The following TIAM2 variants were observed in gnomAD, a reference collection of about 807,000 sequenced individuals.
TIAM2 encodes the protein TIAM Rac1 associated GEF 2.
A neutral mutation model predicts 152.9 loss-of-function variants in TIAM2; 80 were observed. That is an observed-to-expected ratio of 0.52 (90% CI 0.44 to 0.63). TIAM2 has a LOEUF of 0.63. TIAM2 is among the 30% of genes least tolerant of loss of function. TIAM2 has a pLI of 0.00. For missense variants in TIAM2, 1,965 were observed against 2,120.1 expected (o/e 0.93, Z 1.44); for synonymous variants, 804 against 838.0 (o/e 0.96, Z 0.70).
chr6:155,069,911 C>CTTTTTTTTTTTTTTT (rs36093906), intron 1 of TIAM2, among the ~76,000 whole-genome samples: 1 of 125,654 alleles, frequency 8.0e-6, no homozygotes, highest in Non-Finnish European at 1.7e-5. Context: ...CATTTCTTTT[C>CTTTTTTTTTTTTTTT]TTTTTTTTTT....
intron 2 of TIAM2, among the ~76,000 whole-genome samples, chr6:155,099,881 G>A (rs888291763): frequency 2.0e-5 from 3 of 152,332 alleles, no homozygotes; most frequent in East Asian, 3.9e-4. Context: ...ATATGGCATA[G>A]CCTATGCTCC....
intron 1 of TIAM2, among the ~76,000 whole-genome samples, chr6:155,065,757 A>T (rs552022084): frequency 1.3e-5 from 2 of 152,284 alleles, no homozygotes; most frequent in African/African-American, 4.8e-5. Flanking sequence ...CAACAGAATA[A>T]GACTGTCTCT....
At chr6:155,222,789 A>G (rs1046366049) in intron 15 of TIAM2, among the ~76,000 whole-genome samples, 2 of 152,066 alleles carry the variant, frequency 1.3e-5, no homozygotes, top group Non-Finnish European at 2.9e-5. Context: ...TTCTGCCTGA[A>G]TGCCTGATCC....
chr6:155,006,498 C>A (rs1347028696), intron 1 of TIAM2, among the ~76,000 whole-genome samples: 1 of 151,652 alleles, frequency 6.6e-6, no homozygotes, highest in South Asian at 2.1e-4. Context: ...GAAACCCTGT[C>A]TCTACTCAAA....
At chr6:155,181,951 C>G (rs2115141700) in intron 12 of TIAM2, among the ~76,000 whole-genome samples, 1 of 152,304 alleles carries the variant, frequency 6.6e-6, no homozygotes, top group South Asian at 2.1e-4. Context: ...TTATTTCCAC[C>G]TCTTGGCTAT....
chr6:155,222,760 T>C (rs894500979), intron 15 of TIAM2, among the ~76,000 whole-genome samples: 1 of 152,166 alleles, frequency 6.6e-6, no homozygotes, highest in South Asian at 2.1e-4. Context: ...CCTGCCCTGA[T>C]GTCTCTCCCT....
chr6:155,101,237 G>C (rs1268174108), intron 2 of TIAM2, among the ~76,000 whole-genome samples: 1 of 152,164 alleles, frequency 6.6e-6, no homozygotes, highest in Non-Finnish European at 1.5e-5. Context: ...CAGATACTTG[G>C]TGTGCCTCAT....
intron 4 of TIAM2, among the ~76,000 whole-genome samples, chr6:155,132,645 G>T (rs1024041731): frequency 3.3e-5 from 5 of 152,190 alleles, no homozygotes; most frequent in African/African-American, 1.2e-4. Flanking sequence ...AATGGGAGAC[G>T]CAGCTTCTGC....
intron 2 of TIAM2, among the ~76,000 whole-genome samples, chr6:155,112,938 G>C (rs1284788296): frequency 6.9e-6 from 1 of 145,356 alleles, no homozygotes; most frequent in African/African-American, 2.6e-5. Flanking sequence ...CCTCTCCCCT[G>C]CATCGTTCCG....
intron 7 of TIAM2, among the ~76,000 whole-genome samples, chr6:155,158,459 CCTT>C (rs1780177579): frequency 6.6e-6 from 1 of 152,130 alleles, no homozygotes; most frequent in Non-Finnish European, 1.5e-5. Context: ...ATAATGAAAA[CCTT>C]CTCAGAGTGA....
In TIAM2 at chr6:155,024,009, T is replaced by TA. The variant is rs938034214; in HGVS notation, c.-209+28518dup. 8.3e-4 allele frequency among the ~76,000 whole-genome samples: 127 copies of TA among 152,232 alleles called. 2 individuals are homozygous for TA. The highest frequency in any genetic ancestry group is 2.9e-3 in the African/African-American group (119 of 41,534). ...GACACTTCATCAACATCCCACTTAA[T>TA]ACTCTGCATGCGGCTCTCCAGGACA... On this transcript the variant is annotated intron_variant, in intron 1 of 26. Transcript: ENST00000682666.
intron 2 of TIAM2, among the ~76,000 whole-genome samples, chr6:155,093,845 G>T (rs772900566): frequency 6.6e-6 from 1 of 152,166 alleles, no homozygotes; most frequent in Non-Finnish European, 1.5e-5. Flanking sequence ...GGCCAAGTTG[G>T]TTGTATGCCC....
intron 15 of TIAM2, among the ~76,000 whole-genome samples, chr6:155,239,244 A>G (rs922510650): frequency 6.6e-5 from 10 of 152,370 alleles, no homozygotes; most frequent in African/African-American, 2.4e-4. Context: ...TTTAGTTGAC[A>G]GTCAGAAAGT....
chr6:155,244,978 C>T, intron 18 of TIAM2, 195 bp downstream of exon 18: 2 of 640,238 alleles, frequency 3.1e-6, no homozygotes, highest in South Asian at 3.6e-5. Context: ...TTTCCTGGCG[C>T]AGGTGCTTTT....
At chr6:155,136,642 G>A (rs1562328265) in intron 4 of TIAM2, among the ~76,000 whole-genome samples, 1 of 152,160 alleles carries the variant, frequency 6.6e-6, no homozygotes, top group Non-Finnish European at 1.5e-5. Context: ...CTAGACCTGG[G>A]CACTTGGCCA....
At chr6:155,015,459 A>C (rs1245188683) in intron 1 of TIAM2, among the ~76,000 whole-genome samples, 3 of 152,182 alleles carry the variant, frequency 2.0e-5, no homozygotes, top group African/African-American at 7.2e-5. Flanking sequence ...AAACCATGAG[A>C]AATAATGAAA....
intron 15 of TIAM2, among the ~76,000 whole-genome samples, chr6:155,226,397 T>C (rs780999361): frequency 2.9e-4 from 44 of 152,124 alleles, no homozygotes; most frequent in Non-Finnish European, 4.4e-4. Context: ...AGGTTGGGTG[T>C]GGTGGCTCAC....
intron 13 of TIAM2, 78 bp downstream of exon 13, chr6:155,182,396 C>T: frequency 8.0e-7 from 1 of 1,254,820 alleles, no homozygotes. Context: ...AATGTTTCTT[C>T]TTACAGTTTT....
At chr6:155,248,881 T>C (rs1040296806) in intron 20 of TIAM2, among the ~76,000 whole-genome samples, 8 of 152,230 alleles carry the variant, frequency 5.3e-5, no homozygotes, top group African/African-American at 1.9e-4. Flanking sequence ...GAGAGGCTTA[T>C]TAACACTTTA....
Sources: gnomAD v4.1 joint callset for allele counts (sites outside exome capture counted in the v4.1 genomes callset) on GRCh38, gnomAD v4.1.1 for gene constraint, MANE v1.5 for transcripts, NCBI Gene and HGNC (gene_info 2026-07-23, HGNC 2026-07-21) for gene names.